Variants in DTD1 observed in about 807,000 individuals in gnomAD.
The protein encoded by DTD1 is D-aminoacyl-tRNA deacylase 1, also known as D-tyrosyl-tRNA deacylase 1 homolog.
In DTD1, 13 loss-of-function variants were observed where a neutral mutation model predicts 25.6. The ratio of observed to expected loss-of-function variants is 0.51; its 90% CI spans 0.33 to 0.81. The LOEUF is 0.81. Among genes scored for constraint, DTD1 ranks in the 30% least tolerant of loss-of-function variants. The probability of loss-of-function intolerance (pLI) is 0.02; values close to 1 mark genes in which losing one functional copy is unlikely to be tolerated. For missense variants in DTD1, 193 were observed against 266.4 expected (o/e 0.72, Z 1.92); for synonymous variants, 110 against 103.6 (o/e 1.06, Z -0.37).
chr20:18,696,578 A>C (rs1166874046), intron 4 of DTD1, among the ~76,000 whole-genome samples: 1 of 151,986 alleles, frequency 6.6e-6, no homozygotes, highest in Non-Finnish European at 1.5e-5. Flanking sequence ...TTTTGAGACA[A>C]AGTTTTTCTC....
intron 4 of DTD1, among the ~76,000 whole-genome samples, chr20:18,676,059 G>A (rs2060972709): frequency 6.6e-6 from 1 of 152,106 alleles, no homozygotes; most frequent in South Asian, 2.1e-4. Flanking sequence ...CACTGTTTTT[G>A]GATTTTGGAG....
rs147260118 is a variant in DTD1 at position 18,621,641 on chromosome 20, T to C, written c.371-6486T>C. On this transcript the variant is annotated intron_variant, in intron 3 of 5. Coordinates refer to ENST00000377452, the MANE Select transcript of DTD1 (RefSeq NM_080820.6). ...AATTAGGACTTTAATAAAAATCTTA[T>C]GTATTTTTAAGAATGGTTATATTCT... Among the ~76,000 whole-genome samples the C allele has an allele frequency of 6.0e-4, 91 of 152,352 alleles. 1 individual carries two copies. The East Asian group carries it at 0.017, about 28-fold the overall frequency.
intron 5 of DTD1, among the ~76,000 whole-genome samples, chr20:18,747,418 A>G (rs2061304643): frequency 6.6e-6 from 1 of 152,134 alleles, no homozygotes; most frequent in African/African-American, 2.4e-5. Flanking sequence ...CCTCCCCGCC[A>G]TGTTTCTGTG....
At chr20:18,652,670 C>T (rs568777802) in intron 4 of DTD1, among the ~76,000 whole-genome samples, 54 of 152,302 alleles carry the variant, frequency 3.5e-4, no homozygotes, top group African/African-American at 1.2e-3. Context: ...ATTTCCATCC[C>T]GCTGGAGCAC....
At chr20:18,646,723 C>T (rs928771933) in intron 4 of DTD1, among the ~76,000 whole-genome samples, 4 of 152,172 alleles carry the variant, frequency 2.6e-5, no homozygotes, top group Non-Finnish European at 5.9e-5. Flanking sequence ...GTGTGCCTTC[C>T]TCATGTGCCC....
intron 4 of DTD1, among the ~76,000 whole-genome samples, chr20:18,647,445 G>A (rs1226231188): frequency 1.3e-5 from 2 of 152,150 alleles, no homozygotes; most frequent in Non-Finnish European, 2.9e-5. Context: ...TTTGGTGGGG[G>A]CTTGGTCGTC....
chr20:18,686,882 GCACCAC>G (rs1365549885), intron 4 of DTD1, among the ~76,000 whole-genome samples: 2 of 152,258 alleles, frequency 1.3e-5, no homozygotes, highest in African/African-American at 4.8e-5. Flanking sequence ...ATGAGAAGTT[GCACCAC>G]CACAATGCAG....
chr20:18,716,972 C>T (rs1219606215), intron 4 of DTD1, among the ~76,000 whole-genome samples: 1 of 152,098 alleles, frequency 6.6e-6, no homozygotes, highest in Non-Finnish European at 1.5e-5. Context: ...AGGCCTCAAT[C>T]TGAGGTACAC....
At chr20:18,656,009 G>T (rs143811800) in intron 4 of DTD1, among the ~76,000 whole-genome samples, 1 of 152,230 alleles carries the variant, frequency 6.6e-6, no homozygotes, top group Non-Finnish European at 1.5e-5. Flanking sequence ...GACCTCAGAT[G>T]GTGCACCTGT....
intron 4 of DTD1, among the ~76,000 whole-genome samples, chr20:18,720,380 A>T (rs1371729069): frequency 1.3e-5 from 2 of 152,234 alleles, no homozygotes; most frequent in Admixed American, 1.3e-4. Context: ...ACTTTTCGAA[A>T]GTAGGCCTCC....
chr20:18,745,125 G>A (rs1415984258), intron 5 of DTD1, among the ~76,000 whole-genome samples: 1 of 152,164 alleles, frequency 6.6e-6, no homozygotes, highest in Non-Finnish European at 1.5e-5. Flanking sequence ...CTCTAGCAAA[G>A]GGCACTGCCA....
At chr20:18,617,905 A>T (rs2060715630) in intron 3 of DTD1, among the ~76,000 whole-genome samples, 2 of 152,092 alleles carry the variant, frequency 1.3e-5, no homozygotes, top group Non-Finnish European at 2.9e-5. Context: ...TATTCTGAAC[A>T]AATTAAATCT....
At chr20:18,658,343 T>C (rs76167781) in intron 4 of DTD1, among the ~76,000 whole-genome samples, 1 of 151,782 alleles carries the variant, frequency 6.6e-6, no homozygotes, top group African/African-American at 2.4e-5. Context: ...TTTTTTTTTT[T>C]GAGACAGAGT....
intron 4 of DTD1, among the ~76,000 whole-genome samples, chr20:18,645,290 A>G (rs553053309): frequency 6.6e-6 from 1 of 152,370 alleles, no homozygotes. Flanking sequence ...TTATTGAAGC[A>G]TCTAATTTTC....
chr20:18,672,386 A>C (rs1011805806), intron 4 of DTD1, among the ~76,000 whole-genome samples: 1 of 152,160 alleles, frequency 6.6e-6, no homozygotes, highest in Admixed American at 6.5e-5. Context: ...AGACTTGGGC[A>C]TGATGCTTGT....
At chr20:18,640,248 T>G (rs2060823470) in intron 4 of DTD1, among the ~76,000 whole-genome samples, 2 of 152,152 alleles carry the variant, frequency 1.3e-5, no homozygotes, top group African/African-American at 4.8e-5. Context: ...GAAAGGTATT[T>G]TTATAGAAAC....
chr20:18,676,018 A>T (rs548735727), intron 4 of DTD1, among the ~76,000 whole-genome samples: 1 of 152,300 alleles, frequency 6.6e-6, no homozygotes, highest in South Asian at 2.1e-4. Flanking sequence ...CTATTCTGCC[A>T]TAAGACATAT....
chr20:18,680,578 A>G (rs1315214127), intron 4 of DTD1, among the ~76,000 whole-genome samples: 1 of 151,944 alleles, frequency 6.6e-6, no homozygotes, highest in Non-Finnish European at 1.5e-5. Context: ...GTCATAGTAT[A>G]GCTCCATGCC....
At chr20:18,667,252 T>C (rs929992600) in intron 4 of DTD1, among the ~76,000 whole-genome samples, 2 of 152,202 alleles carry the variant, frequency 1.3e-5, no homozygotes, top group Admixed American at 6.5e-5. Flanking sequence ...CACGATTACC[T>C]TGAGTGTTTT....
Sources: gnomAD v4.1 joint callset for allele counts (sites outside exome capture counted in the v4.1 genomes callset) on GRCh38, gnomAD v4.1.1 for gene constraint, MANE v1.5 for transcripts, NCBI Gene and HGNC (gene_info 2026-07-23, HGNC 2026-07-21) for gene names.